The following GDPD5 variants were observed in gnomAD, a reference collection of about 807,000 sequenced individuals.
GDPD5 encodes glycerophosphodiester phosphodiesterase 2.
A neutral mutation model predicts 75.1 loss-of-function variants in GDPD5; 48 were observed. The ratio of observed to expected loss-of-function variants is 0.64; its 90% CI spans 0.51 to 0.81. GDPD5 has a LOEUF of 0.81. GDPD5 is among the 40% of genes least tolerant of loss of function. The probability of loss-of-function intolerance (pLI) is 0.00; values close to 1 mark genes in which losing one functional copy is unlikely to be tolerated. For missense variants in GDPD5, 706 were observed against 822.6 expected, an observed-to-expected ratio of 0.86 and a Z score of 1.73; for synonymous variants, 336 against 339.0, an observed-to-expected ratio of 0.99 and a Z score of 0.10.
intron 4 of GDPD5, among the ~76,000 whole-genome samples, chr11:75,458,081 C>T (rs970888435): frequency 1.3e-5 from 2 of 152,182 alleles, no homozygotes; most frequent in Non-Finnish European, 2.9e-5. Flanking sequence ...CGCCCCCATG[C>T]CTATATGTTT....
chr11:75,505,192 A>C (rs1386295278), intron 1 of GDPD5, among the ~76,000 whole-genome samples: 1 of 151,970 alleles, frequency 6.6e-6, no homozygotes, highest in East Asian at 1.9e-4. Context: ...GGGTATTAGG[A>C]AGGGGAGTCC....
At chr11:75,441,540 G>A (rs1229304379) in intron 13 of GDPD5, 106 bp downstream of exon 13, 17 of 1,209,238 alleles carry the variant, frequency 1.4e-5, no homozygotes, top group East Asian at 2.7e-5. Context: ...CCCTCTGCCC[G>A]ACCGTGTGTG....
At chr11:75,481,869 C>CA in intron 2 of GDPD5, among the ~76,000 whole-genome samples, 1 of 152,260 alleles carries the variant, frequency 6.6e-6, no homozygotes, top group South Asian at 2.1e-4. Flanking sequence ...TGGGGCCACT[C>CA]AGGCTCTTCC....
At chr11:75,515,095 G>A (rs1039860457) in intron 1 of GDPD5, among the ~76,000 whole-genome samples, 16 of 152,320 alleles carry the variant, frequency 1.1e-4, no homozygotes, top group Admixed American at 8.5e-4. Flanking sequence ...GAGGATCCAG[G>A]TGTTACCACA....
At chr11:75,438,528 C>G (rs972418503) in intron 15 of GDPD5, 1 of 152,304 alleles carries the variant, frequency 6.6e-6, no homozygotes, top group Non-Finnish European at 1.5e-5. Context: ...GGATGTTGGT[C>G]AACTGGGCGG....
intron 3 of GDPD5, among the ~76,000 whole-genome samples, chr11:75,468,014 C>T (rs770852710): frequency 6.6e-6 from 1 of 152,172 alleles, no homozygotes; most frequent in Non-Finnish European, 1.5e-5. Context: ...CTCATACAGT[C>T]ACAGAGCACG....
Position 75,523,666 on chromosome 11 carries a change from G to A in GDPD5, c.-145+1544C>T, listed in dbSNP as rs144043158. Among the ~76,000 whole-genome samples the A allele has an allele frequency of 9.8e-3, 869 of 88,580 alleles. 7 individuals carry two copies. The highest frequency in any genetic ancestry group is 0.015 in the Non-Finnish European group (622 of 41,786). 58.1% of individuals were successfully genotyped at this position (88,580 alleles called of 152,430 possible). On this transcript the variant is annotated intron_variant, in intron 1 of 16. Coordinates refer to ENST00000336898, the MANE Select transcript of GDPD5 (RefSeq NM_030792.8). ...ACTCTAGGTTCCAGGCTCTCTCCACGTCATGAAAGGAGATCACAGGTGTGA... is the reference window on the plus strand; with the variant it reads ...ACTCTAGGTTCCAGGCTCTCTCCACATCATGAAAGGAGATCACAGGTGTGA...
intron 2 of GDPD5, among the ~76,000 whole-genome samples, chr11:75,478,636 T>A (rs1374242414): frequency 6.6e-6 from 1 of 152,264 alleles, no homozygotes; most frequent in African/African-American, 2.4e-5. Flanking sequence ...AGGATTTTTG[T>A]CTGTTGTATT....
intron 4 of GDPD5, among the ~76,000 whole-genome samples, chr11:75,458,196 G>C (rs1433005066): frequency 6.6e-5 from 10 of 152,200 alleles, no homozygotes; most frequent in Non-Finnish European, 1.2e-4. Context: ...TCTCGTCTCT[G>C]CTTTTCACTG....
At chr11:75,456,847 GC>G in intron 5 of GDPD5, 31 bp from the exon 6 acceptor site, 8 of 1,607,686 alleles carry the variant, frequency 5.0e-6, no homozygotes, top group Non-Finnish European at 6.8e-6. Context: ...TGATTGTCAG[GC>G]CCGTGTGGGC....
intron 1 of GDPD5, among the ~76,000 whole-genome samples, chr11:75,512,835 A>G (rs1459640719): frequency 2.0e-5 from 3 of 152,290 alleles, no homozygotes; most frequent in Admixed American, 2.0e-4. Flanking sequence ...GAATCACTTG[A>G]ACCTGGGAGG....
intron 15 of GDPD5, 84 bp downstream of exon 15, chr11:75,439,795 C>T (rs1217275992): frequency 8.8e-7 from 1 of 1,136,738 alleles, no homozygotes; most frequent in East Asian, 2.3e-5. Context: ...GCCCAGGGCT[C>T]AGGAGAGGGT....
chr11:75,522,766 T>G (rs1941515162), intron 1 of GDPD5, among the ~76,000 whole-genome samples: 1 of 152,126 alleles, frequency 6.6e-6, no homozygotes, highest in Admixed American at 6.5e-5. Flanking sequence ...TCCCTGAGCC[T>G]GCCCCCAGCT....
At chr11:75,508,536 A>G (rs982204103) in intron 1 of GDPD5, 2 of 152,244 alleles carry the variant, frequency 1.3e-5, no homozygotes, top group East Asian at 3.8e-4. Flanking sequence ...ACAGGAAGCC[A>G]GGTGTGTTCC....
At chr11:75,509,642 ACAAGAAG>A in intron 1 of GDPD5, among the ~76,000 whole-genome samples, 1 of 152,346 alleles carries the variant, frequency 6.6e-6, no homozygotes, top group Non-Finnish European at 1.5e-5. Context: ...CTATTAACAG[ACAAGAAG>A]GCGGAGGCTC....
chr11:75,450,926 G>C (rs988657320), intron 6 of GDPD5: 1 of 152,296 alleles, frequency 6.6e-6, no homozygotes, highest in African/African-American at 2.4e-5. Context: ...CTCCAGACTC[G>C]TCTCCCATCT....
At chr11:75,476,278 G>A (rs1008550677) in intron 3 of GDPD5, among the ~76,000 whole-genome samples, 15 of 152,014 alleles carry the variant, frequency 9.9e-5, no homozygotes, top group African/African-American at 3.4e-4. Flanking sequence ...CATCTGGAAG[G>A]ACCTGTCTCA....
chr11:75,456,522 C>T (rs918421033), intron 6 of GDPD5: 5 of 566,022 alleles, frequency 8.8e-6, no homozygotes, highest in South Asian at 2.2e-5. Flanking sequence ...TTTCCCCAAC[C>T]ACAAAATGGA....
At chr11:75,447,839 T>G (rs1207002180) in intron 9 of GDPD5, among the ~76,000 whole-genome samples, 1 of 152,076 alleles carries the variant, frequency 6.6e-6, no homozygotes, top group Admixed American at 6.5e-5. Context: ...TCCATACCTT[T>G]GAGGCACAGA....
Sources: allele counts gnomAD v4.1 joint callset (sites outside exome capture counted in the v4.1 genomes callset), GRCh38; gene constraint gnomAD v4.1.1; transcripts MANE v1.5; gene names NCBI Gene and HGNC (gene_info 2026-07-23, HGNC 2026-07-21).